Variants in ROBO1 observed in about 807,000 individuals in gnomAD.
The protein encoded by ROBO1 is roundabout guidance receptor 1.
A neutral mutation model predicts 195.9 loss-of-function variants in ROBO1; 149 were observed. That is an observed-to-expected ratio of 0.76 (90% CI 0.67 to 0.87). The LOEUF (loss-of-function observed/expected upper bound fraction) is 0.87. Ranked by LOEUF, ROBO1 falls within the 40% of genes least tolerant of loss-of-function variation. ROBO1 has a pLI of 0.00. For synonymous variants in ROBO1, 816 were observed against 733.2 expected, an observed-to-expected ratio of 1.11 and a Z score of -1.82; for missense variants, 1,933 against 2,068.3, an observed-to-expected ratio of 0.93 and a Z score of 1.27.
At chr3:79,729,455 A>G (rs1703056438) in intron 1 of ROBO1, among the ~76,000 whole-genome samples, 1 of 152,210 alleles carries the variant, frequency 6.6e-6, no homozygotes, top group South Asian at 2.1e-4. Flanking sequence ...ACTAGTTAGT[A>G]CATATCTATT....
chr3:78,985,747 A>T (rs2077091865), intron 3 of ROBO1, among the ~76,000 whole-genome samples: 1 of 152,184 alleles, frequency 6.6e-6, no homozygotes, highest in Non-Finnish European at 1.5e-5. Flanking sequence ...ATTTTAATTT[A>T]GTTTTGTTTA....
chr3:79,393,153 G>A (rs1292051383), intron 2 of ROBO1, among the ~76,000 whole-genome samples: 1 of 152,200 alleles, frequency 6.6e-6, no homozygotes, highest in Non-Finnish European at 1.5e-5. Context: ...GTCATAGGTA[G>A]AACTAATAAG....
intron 1 of ROBO1, among the ~76,000 whole-genome samples, chr3:79,666,167 C>G (rs976391303): frequency 6.6e-6 from 1 of 151,838 alleles, no homozygotes; most frequent in African/African-American, 2.4e-5. Flanking sequence ...ATTGAGAATG[C>G]TCTCTGAGAA....
At chr3:79,448,043 T>A (rs1345701733) in intron 2 of ROBO1, among the ~76,000 whole-genome samples, 1 of 152,216 alleles carries the variant, frequency 6.6e-6, no homozygotes, top group Non-Finnish European at 1.5e-5. Context: ...AGTACTCTTT[T>A]TGGTATGTTA....
At chr3:79,446,475 A>G (rs953715134) in intron 2 of ROBO1, among the ~76,000 whole-genome samples, 3 of 152,230 alleles carry the variant, frequency 2.0e-5, no homozygotes, top group African/African-American at 7.2e-5. Flanking sequence ...TTTGAAATAA[A>G]TAAGATCATG....
intron 4 of ROBO1, among the ~76,000 whole-genome samples, chr3:78,927,680 A>T (rs560166744): frequency 2.4e-4 from 36 of 152,348 alleles, no homozygotes; most frequent in South Asian, 1.7e-3. Flanking sequence ...TAACCATGCC[A>T]CTAACAGCAG....
At chr3:79,607,180 G>A (rs1944514970) in intron 1 of ROBO1, among the ~76,000 whole-genome samples, 1 of 147,920 alleles carries the variant, frequency 6.8e-6, no homozygotes, top group Admixed American at 6.8e-5. Flanking sequence ...ATTGAAATCT[G>A]GTGTGATTTT....
intron 2 of ROBO1, among the ~76,000 whole-genome samples, chr3:79,185,472 T>C (rs1185041693): frequency 6.6e-6 from 1 of 152,168 alleles, no homozygotes. Flanking sequence ...ATTCTTACCA[T>C]CTTTAATCTT....
At chr3:78,871,228 G>T (rs2035524487) in intron 4 of ROBO1, among the ~76,000 whole-genome samples, 1 of 152,276 alleles carries the variant, frequency 6.6e-6, no homozygotes, top group Non-Finnish European at 1.5e-5. Flanking sequence ...ACAGGGAAGT[G>T]TCATAAAGCC....
intron 3 of ROBO1, among the ~76,000 whole-genome samples, chr3:79,023,378 C>G (rs1311555876): frequency 1.3e-5 from 2 of 152,122 alleles, no homozygotes; most frequent in African/African-American, 4.8e-5. Flanking sequence ...AGAAAGCAAG[C>G]TAAAGTGATC....
At position 78,678,088 on chromosome 3, in the gene ROBO1, G is replaced by A. The variant is rs1418173034; in HGVS notation, c.1342+7658C>T. Among the ~76,000 whole-genome samples, 4 of 152,164 alleles carry A rather than the reference G, an allele frequency of 2.6e-5. No homozygotes were observed. The East Asian group carries it at 7.7e-4, about 29-fold the overall frequency. ...CCTGAATGACTACTGGGTGCATAAC[G>A]AAATGAAGGCAGACATAAAGATGTT... On this transcript the variant is annotated intron_variant, in intron 10 of 30. Transcript: ENST00000464233.
intron 2 of ROBO1, among the ~76,000 whole-genome samples, chr3:79,131,458 GT>G (rs200516640): frequency 0.32 from 4,790 of 15,168 alleles, 1,794 homozygotes; most frequent in South Asian, 0.85. Context: ...AGATTTTCTA[GT>G]TTTTTTGTGT....
chr3:79,507,286 A>G (rs1940451372), intron 2 of ROBO1, among the ~76,000 whole-genome samples: 1 of 152,192 alleles, frequency 6.6e-6, no homozygotes, highest in Admixed American at 6.5e-5. Flanking sequence ...AGGTGTCTAC[A>G]CACTCTGAGA....
chr3:78,903,394 T>G lies in ROBO1; in HGVS notation c.499+35207A>C, dbSNP rs1331999556. On this transcript the variant is annotated intron_variant, in intron 4 of 30. Coordinates refer to ENST00000464233, the MANE Select transcript of ROBO1 (RefSeq NM_002941.4). ...CATACCCAACACCTGCCTTCCAACT[T>G]AACTTCAAAGAGATATTTCACATAA... Among the ~76,000 whole-genome samples the G allele has an allele frequency of 2.0e-5, 3 of 151,890 alleles. No individual in the cohort carries two copies. The East Asian group carries it at 5.8e-4, about 29-fold the overall frequency.
chr3:79,064,163 A>G (rs1289955386), intron 3 of ROBO1, among the ~76,000 whole-genome samples: 1 of 151,990 alleles, frequency 6.6e-6, no homozygotes, highest in African/African-American at 2.4e-5. Context: ...TGATCATTCT[A>G]CAGTGTATAC....
At chr3:79,036,357 C>T (rs1421999215) in intron 3 of ROBO1, among the ~76,000 whole-genome samples, 2 of 151,922 alleles carry the variant, frequency 1.3e-5, no homozygotes, top group African/African-American at 2.4e-5. Context: ...TTCCTTTCCA[C>T]TTGATAACCA....
intron 4 of ROBO1, among the ~76,000 whole-genome samples, chr3:78,936,266 T>C (rs2107671856): frequency 6.6e-6 from 1 of 152,154 alleles, no homozygotes; most frequent in South Asian, 2.1e-4. Context: ...ACAGTTGTTG[T>C]TACAGCTGTA....
chr3:79,554,389 C>CA (rs1207670243), intron 2 of ROBO1, among the ~76,000 whole-genome samples: 2 of 151,708 alleles, frequency 1.3e-5, no homozygotes, highest in Admixed American at 1.3e-4. Context: ...TTTAGAACCA[C>CA]AAAAAATAAA....
chr3:78,797,905 G>A (rs1262418830), intron 4 of ROBO1, among the ~76,000 whole-genome samples: 2 of 152,078 alleles, frequency 1.3e-5, no homozygotes, highest in African/African-American at 4.8e-5. Flanking sequence ...TATAATGACT[G>A]TTCTTTATGA....
Sources: allele counts gnomAD v4.1 joint callset (sites outside exome capture counted in the v4.1 genomes callset), GRCh38; gene constraint gnomAD v4.1.1; transcripts MANE v1.5; gene names NCBI Gene and HGNC (gene_info 2026-07-23, HGNC 2026-07-21).